UPP2: variants seen among roughly 807,000 people sequenced by gnomAD.
UPP2 encodes UPase 2.
A neutral mutation model predicts 26.7 loss-of-function variants in UPP2; 23 were observed. That is an observed-to-expected ratio of 0.86 (90% CI 0.62 to 1.22). The LOEUF (loss-of-function observed/expected upper bound fraction) is 1.22, where lower values mean the gene tolerates loss of function less well. Among genes scored for constraint, UPP2 ranks in the 50% most tolerant of loss-of-function variants. The pLI is 0.00. For missense variants in UPP2, 387 were observed against 396.7 expected (o/e 0.98, Z 0.21); for synonymous variants, 127 against 141.3 (o/e 0.90, Z 0.72).
chr2:158,020,115 G>A (rs904128603), intron 3 of UPP2, among the ~76,000 whole-genome samples: 1 of 152,126 alleles, frequency 6.6e-6, no homozygotes, highest in African/African-American at 2.4e-5. Context: ...AACAAGGCCT[G>A]TTTGGTTTTT....
At chr2:158,013,639 A>C (rs1683613836) in intron 2 of UPP2, among the ~76,000 whole-genome samples, 1 of 152,198 alleles carries the variant, frequency 6.6e-6, no homozygotes, top group Admixed American at 6.5e-5. Context: ...TTTGATGAGG[A>C]AGAGGTGAGA....
At chr2:158,051,155 ATATGTG>A (rs1012628019) in intron 3 of UPP2, among the ~76,000 whole-genome samples, 9 of 94,254 alleles carry the variant, frequency 9.5e-5, no homozygotes, top group African/African-American at 4.1e-4. Flanking sequence ...CACTCTAGGA[ATATGTG>A]TGTGTGTGTG....
chr2:158,008,819 C>T (rs1439980891), intron 2 of UPP2, among the ~76,000 whole-genome samples: 1 of 152,052 alleles, frequency 6.6e-6, no homozygotes, highest in Non-Finnish European at 1.5e-5. Flanking sequence ...TTCAAATATC[C>T]TTTCAATAAT....
At chr2:158,123,343 C>T (rs1683613945) in intron 5 of UPP2, among the ~76,000 whole-genome samples, 1 of 131,464 alleles carries the variant, frequency 7.6e-6, no homozygotes, top group African/African-American at 2.9e-5. Context: ...AGCTTAGCAT[C>T]ATCGAAACCT....
rs1476673764 is a variant in UPP2 at position 158,115,162 on chromosome 2, A to T, written c.242A>T (p.Glu81Val). Residue 81 changes from glutamate (E) to valine (V), a missense_variant, in exon 3 of 7, where the codon GAG (glutamate) becomes GTG (valine). By Grantham distance (121) the Glu-to-Val change is moderately radical (BLOSUM62 -2). Transcript: ENST00000005756. Reference sequence around the variant, plus strand: ...GCATTTGCACTGTTTATGCACAAGGAGCTCGGGTTTGAGGAAGCTGAAGAA... The same window carrying T: ...GCATTTGCACTGTTTATGCACAAGGTGCTCGGGTTTGAGGAAGCTGAAGAA... ...MKAFALFMHK[E>V]LGFEEAEEDI... 6.2e-7 allele frequency: 1 copy of T among 1,613,660 alleles called. No individual in the cohort carries two copies. Among genetic ancestry groups the T allele is most frequent in the Non-Finnish European group, 8.5e-7 (1 of 1,179,880 alleles).
intron 3 of UPP2, among the ~76,000 whole-genome samples, chr2:158,090,450 G>C (rs1240964406): frequency 6.6e-6 from 1 of 152,080 alleles, no homozygotes; most frequent in African/African-American, 2.4e-5. Context: ...GCAGTGAGCC[G>C]AGATGGTGCC....
intron 2 of UPP2, among the ~76,000 whole-genome samples, chr2:158,001,880 T>A (rs1683412714): frequency 6.7e-6 from 1 of 148,878 alleles, no homozygotes; most frequent in African/African-American, 2.5e-5. Context: ...TCTTTAGTTG[T>A]ATCCCATGAT....
At chr2:158,085,811 C>T (rs1056098932) in intron 3 of UPP2, among the ~76,000 whole-genome samples, 4 of 151,930 alleles carry the variant, frequency 2.6e-5, no homozygotes, top group Non-Finnish European at 4.4e-5. Context: ...CATTTATTGA[C>T]TTACATATGT....
chr2:158,093,271 TACACAC>T lies in UPP2; in HGVS notation c.148-8739_148-8734del, dbSNP rs57028617. ...TGTAGGAAGGCGGTAAAAAGAAACA[TACACAC>T]ACACACACACACACACACACACACA... On this transcript the variant is annotated intron_variant, in intron 3 of 9. Coordinates refer to the UPP2 transcript ENST00000605860. 2.4e-3 allele frequency among the ~76,000 whole-genome samples: 332 copies of T among 137,506 alleles called. 2 individuals are homozygous for T. The highest frequency in any genetic ancestry group is 0.022 in the South Asian group (93 of 4,256). The allele number at this position is 137,506 out of a possible 152,430, so 90.2% of individuals were successfully genotyped here.
intron 3 of UPP2, among the ~76,000 whole-genome samples, chr2:158,037,417 A>C (rs988080413): frequency 3.3e-5 from 5 of 152,088 alleles, no homozygotes; most frequent in African/African-American, 1.2e-4. Context: ...GGGATATATT[A>C]GTTTCCTAGG....
intron 2 of UPP2, among the ~76,000 whole-genome samples, chr2:158,007,493 TGAG>T (rs1220002019): frequency 2.6e-5 from 4 of 152,174 alleles, no homozygotes; most frequent in African/African-American, 9.7e-5. Context: ...CAGCTTGTCT[TGAG>T]GGCCTCATCT....
chr2:158,013,824 T>A (rs1320437786), intron 2 of UPP2, among the ~76,000 whole-genome samples: 1 of 152,210 alleles, frequency 6.6e-6, no homozygotes, highest in Non-Finnish European at 1.5e-5. Flanking sequence ...GAAAGCTTTG[T>A]GCGGCTTGCT....
chr2:158,118,583 T>C (rs1024101683), intron 4 of UPP2, among the ~76,000 whole-genome samples: 3 of 152,130 alleles, frequency 2.0e-5, no homozygotes, highest in East Asian at 1.9e-4. Flanking sequence ...GTTTTGAGGT[T>C]TCCTCAAAAC....
chr2:158,029,588 A>G (rs1003292351), intron 3 of UPP2, among the ~76,000 whole-genome samples: 13 of 152,188 alleles, frequency 8.5e-5, no homozygotes, highest in Admixed American at 2.6e-4. Flanking sequence ...CCAAACTGGG[A>G]CACTTTTGAG....
At chr2:158,130,840 G>C (rs190134479) in intron 6 of UPP2, among the ~76,000 whole-genome samples, 134 of 152,294 alleles carry the variant, frequency 8.8e-4, no homozygotes, top group African/African-American at 3.1e-3. Context: ...ATCCCCAATT[G>C]TGATTTAGTA....
Position 158,037,290 on chromosome 2 carries a change from G to A in UPP2, c.147+21404G>A, listed in dbSNP as rs936637237. Among the ~76,000 whole-genome samples, 6 of 152,098 alleles carry A rather than the reference G, an allele frequency of 3.9e-5. No individual in the cohort carries two copies. In the East Asian group the frequency reaches 5.8e-4, roughly 15 times the overall value. On this transcript the variant is annotated intron_variant, in intron 3 of 9. Transcript: ENST00000605860. ...CTCGGGAGGCTGAGGCAGGAGAATC[G>A]CGTGAACCTGGGAGGCGGAGGTTGC... is the stretch of plus-strand genomic sequence containing the variant.
intron 3 of UPP2, among the ~76,000 whole-genome samples, chr2:158,053,846 AT>A (rs1682200244): frequency 1.3e-5 from 2 of 152,206 alleles, no homozygotes; most frequent in South Asian, 4.1e-4. Flanking sequence ...GGCCTTCTTA[AT>A]TGGAAAAAGT....
chr2:158,103,392 GTGTATAGA>G lies in UPP2; in HGVS notation c.62+1270_62+1277del, dbSNP rs1197269469. Among the ~76,000 whole-genome samples the G allele has an allele frequency of 3.3e-5, 5 of 152,312 alleles. 1 individual carries two copies. The East Asian group carries it at 9.6e-4, about 29-fold the overall frequency. On this transcript the variant is annotated intron_variant, in intron 1 of 6. Transcript: ENST00000005756. Reference sequence around the variant, plus strand: ...ATTTCTCCTTGAAGATAGGAAGTGTGTGTATAGATGAGTGATTTTAAAAACACCAAAGC... The same window carrying G: ...ATTTCTCCTTGAAGATAGGAAGTGTGTGAGTGATTTTAAAAACACCAAAGC...
At chr2:158,074,690 TACACACACACACAC>T (rs56277459) in intron 3 of UPP2, among the ~76,000 whole-genome samples, 1 of 135,400 alleles carries the variant, frequency 7.4e-6, no homozygotes, top group Non-Finnish European at 1.6e-5. Context: ...AAGACCTTCA[TACACACACACACAC>T]ACACACACAC....
Sources: gnomAD v4.1 joint callset for allele counts (sites outside exome capture counted in the v4.1 genomes callset) on GRCh38, gnomAD v4.1.1 for gene constraint, MANE v1.5 for transcripts, NCBI Gene and HGNC (gene_info 2026-07-23, HGNC 2026-07-21) for gene names.